Variants in ALK observed in about 807,000 individuals in gnomAD.
ALK encodes ALK tyrosine kinase receptor.
A neutral mutation model predicts 163.1 loss-of-function variants in ALK; 74 were observed. The ratio of observed to expected loss-of-function variants is 0.45; its 90% confidence interval spans 0.38 to 0.55. ALK has a LOEUF of 0.55. Among genes scored for constraint, ALK ranks in the 20% least tolerant of loss-of-function variants. ALK has a pLI of 0.00. For synonymous variants in ALK, 960 were observed against 843.2 expected (o/e 1.14, Z -2.40); for missense variants, 2,063 against 2,105.3 (o/e 0.98, Z 0.39).
intron 3 of ALK, among the ~76,000 whole-genome samples, chr2:29,595,055 G>T (rs1222959853): frequency 6.6e-6 from 1 of 152,092 alleles, no homozygotes; most frequent in Non-Finnish European, 1.5e-5. Flanking sequence ...AAAAACATCT[G>T]AATGAAAAGT....
At chr2:29,473,572 T>G (rs1410401581) in intron 4 of ALK, among the ~76,000 whole-genome samples, 1 of 151,774 alleles carries the variant, frequency 6.6e-6, no homozygotes, top group African/African-American at 2.4e-5. Context: ...CAAAAAAGGG[T>G]AAAAAGACTT....
At chr2:29,466,744 A>G (rs890893838) in intron 4 of ALK, among the ~76,000 whole-genome samples, 9 of 152,242 alleles carry the variant, frequency 5.9e-5, no homozygotes, top group African/African-American at 2.2e-4. Flanking sequence ...GAGGTAGAAA[A>G]AAGCTGAAGA....
chr2:29,336,586 G>A (rs970803256), intron 5 of ALK, among the ~76,000 whole-genome samples: 5 of 152,186 alleles, frequency 3.3e-5, no homozygotes, highest in African/African-American at 9.7e-5. Context: ...CACCACAGGT[G>A]ATTTATTGGG....
At chr2:29,408,457 C>T (rs11903142) in intron 4 of ALK, among the ~76,000 whole-genome samples, 3,545 of 152,080 alleles carry the variant, frequency 0.023, 142 homozygotes, top group African/African-American at 0.078. Context: ...GTAACAAGCC[C>T]GATGGAGCTC....
rs570490753 is a variant in ALK at position 29,826,395 on chromosome 2, A to T, written c.667+93598T>A. On this transcript the variant is annotated intron_variant, in intron 1 of 28. Coordinates refer to ENST00000389048, the MANE Select transcript of ALK (RefSeq NM_004304.5). ...TATATCACAATGACAAAATTCTCCA[A>T]TGAGAATCATCAAAATATTCTGAGT... Among the ~76,000 whole-genome samples the T allele has an allele frequency of 3.3e-5, 5 of 152,132 alleles. No homozygotes were observed. In the South Asian group the frequency reaches 1.0e-3, roughly 32 times the overall value.
At chr2:29,412,663 T>A (rs1669752383) in intron 4 of ALK, among the ~76,000 whole-genome samples, 2 of 152,190 alleles carry the variant, frequency 1.3e-5, no homozygotes, top group South Asian at 4.1e-4. Context: ...GAGTCACCAC[T>A]CACACATGCA....
chr2:29,521,379 G>A (rs1672808302), intron 4 of ALK, among the ~76,000 whole-genome samples: 1 of 152,146 alleles, frequency 6.6e-6, no homozygotes, highest in Admixed American at 6.5e-5. Flanking sequence ...AACACAATCA[G>A]TCATTGGAAA....
intron 6 of ALK, 118 bp from the exon 7 acceptor site, chr2:29,321,000 C>T (rs1458097067): frequency 1.6e-6 from 2 of 1,271,130 alleles, no homozygotes; most frequent in African/African-American, 2.9e-5. Context: ...TATAGCTCCC[C>T]AGCCAGAATG....
intron 23 of ALK, among the ~76,000 whole-genome samples, chr2:29,217,020 A>G (rs1319709262): frequency 8.7e-6 from 1 of 114,380 alleles, no homozygotes; most frequent in African/African-American, 3.6e-5. Flanking sequence ...GCGTGAGTGT[A>G]TGTGGTATGT....
intron 5 of ALK, among the ~76,000 whole-genome samples, chr2:29,346,573 A>G (rs1168757188): frequency 6.6e-6 from 1 of 152,258 alleles, no homozygotes; most frequent in East Asian, 1.9e-4. Flanking sequence ...TGACAGAGGC[A>G]CAAATTGCTA....
chr2:29,764,682 C>G (rs778512237), intron 1 of ALK, among the ~76,000 whole-genome samples: 2 of 152,132 alleles, frequency 1.3e-5, no homozygotes, highest in Non-Finnish European at 2.9e-5. Context: ...CATTCAAGTC[C>G]AGTCATTTTG....
intron 3 of ALK, among the ~76,000 whole-genome samples, chr2:29,548,698 G>A (rs1467844222): frequency 6.6e-6 from 1 of 152,120 alleles, no homozygotes. Flanking sequence ...CTGGTGCAAT[G>A]CCAAGTACAG....
intron 3 of ALK, among the ~76,000 whole-genome samples, chr2:29,668,510 C>T: frequency 6.6e-6 from 1 of 151,850 alleles, no homozygotes; most frequent in East Asian, 1.9e-4. Flanking sequence ...TTCATTGACC[C>T]ATTGGTTGTT....
chr2:29,808,792 A>G (rs1194779992), intron 1 of ALK, among the ~76,000 whole-genome samples: 1 of 152,202 alleles, frequency 6.6e-6, no homozygotes, highest in African/African-American at 2.4e-5. Flanking sequence ...ACTGCCTGCC[A>G]TGCATCACAT....
At chr2:29,383,687 A>T (rs2148301290) in intron 5 of ALK, 45 bp downstream of exon 5, 2 of 1,613,492 alleles carry the variant, frequency 1.2e-6, no homozygotes, top group Non-Finnish European at 1.7e-6. Flanking sequence ...GACACATCTA[A>T]CACAATAGGC....
At position 29,658,687 on chromosome 2, in the gene ALK, T is replaced by A. The variant is rs1018541808; in HGVS notation, c.952+36163A>T. On this transcript the variant is annotated intron_variant, in intron 3 of 28. Transcript: ENST00000389048. ...AATATGCAAGTGTGACGAGTGCCATTTTATTTAGCATACATATTAATGCTA... is the reference window on the plus strand; with the variant it reads ...AATATGCAAGTGTGACGAGTGCCATATTATTTAGCATACATATTAATGCTA... 4.4e-4 allele frequency among the ~76,000 whole-genome samples: 67 copies of A among 152,176 alleles called. 1 individual carries two copies. The highest frequency in any genetic ancestry group is 5.7e-4 in the Non-Finnish European group (39 of 68,030).
chr2:29,445,391 T>C (rs1210957437), intron 4 of ALK, among the ~76,000 whole-genome samples: 1 of 152,172 alleles, frequency 6.6e-6, no homozygotes, highest in East Asian at 1.9e-4. Context: ...TGTCTCAAAC[T>C]ATAAAAAGAC....
At chr2:29,895,118 G>A (rs1326189427) in intron 1 of ALK, among the ~76,000 whole-genome samples, 2 of 152,160 alleles carry the variant, frequency 1.3e-5, no homozygotes, top group Admixed American at 1.3e-4. Flanking sequence ...ACTTAATGTA[G>A]CTTTTATGCC....
At chr2:29,676,429 T>G (rs1313168274) in intron 3 of ALK, among the ~76,000 whole-genome samples, 1 of 152,218 alleles carries the variant, frequency 6.6e-6, no homozygotes, top group East Asian at 1.9e-4. Context: ...CCAGCACCAT[T>G]TCTTTTACCT....
Sources: gnomAD v4.1 joint callset for allele counts (sites outside exome capture counted in the v4.1 genomes callset) on GRCh38, gnomAD v4.1.1 for gene constraint, MANE v1.5 for transcripts, NCBI Gene and HGNC (gene_info 2026-07-23, HGNC 2026-07-21) for gene names.